ABCC4: variants seen among roughly 807,000 people sequenced by gnomAD.
ABCC4 encodes ATP binding cassette subfamily C member 4 (PEL blood group).
A neutral mutation model predicts 168.5 loss-of-function variants in ABCC4; 102 were observed. That is an observed-to-expected ratio of 0.61 (90% confidence interval 0.52 to 0.71). The LOEUF (loss-of-function observed/expected upper bound fraction) is 0.71, where lower values mean the gene tolerates loss of function less well. Ranked by LOEUF, ABCC4 falls within the 30% of genes least tolerant of loss-of-function variation. ABCC4 has a pLI of 0.00. For synonymous variants in ABCC4, 617 were observed against 590.7 expected (o/e 1.04, Z -0.65); for missense variants, 1,402 against 1,605.8 (o/e 0.87, Z 2.17).
At chr13:95,163,066 G>A in intron 18 of ABCC4, 56 bp downstream of exon 18, 1 of 1,237,218 alleles carries the variant, frequency 8.1e-7, no homozygotes, top group Non-Finnish European at 1.2e-6. Context: ...TACTCACACA[G>A]GCTCATTGTA....
At chr13:95,082,487 C>CAT (rs546041668) in intron 21 of ABCC4, among the ~76,000 whole-genome samples, 186 of 152,054 alleles carry the variant, frequency 1.2e-3, no homozygotes, top group African/African-American at 4.3e-3. Flanking sequence ...TTTCAGTGTC[C>CAT]ATATATATAT....
At chr13:95,280,416 C>CAAAA (rs10708482) in intron 1 of ABCC4, among the ~76,000 whole-genome samples, 3 of 90,480 alleles carry the variant, frequency 3.3e-5, no homozygotes, top group African/African-American at 1.4e-4. Context: ...GACTCCATCT[C>CAAAA]AAAAAAAAAA....
chr13:95,058,315 A>C (rs1260278114), intron 26 of ABCC4, among the ~76,000 whole-genome samples: 2 of 152,072 alleles, frequency 1.3e-5, no homozygotes, highest in African/African-American at 4.8e-5. Flanking sequence ...AGACAGAAAA[A>C]CAAACAGTAC....
At chr13:95,153,000 C>T (rs2036739328) in intron 19 of ABCC4, among the ~76,000 whole-genome samples, 1 of 152,130 alleles carries the variant, frequency 6.6e-6, no homozygotes, top group Non-Finnish European at 1.5e-5. Flanking sequence ...ATGCTTTATA[C>T]ATATTAGGCT....
At chr13:95,064,648 G>A (rs920927050) in intron 25 of ABCC4, among the ~76,000 whole-genome samples, 1 of 151,998 alleles carries the variant, frequency 6.6e-6, no homozygotes, top group Admixed American at 6.6e-5. Flanking sequence ...TGATCCATCT[G>A]TGCAAACCTG....
Position 95,188,554 on chromosome 13 carries a change from A to G in ABCC4, c.1264-12T>C. 1 of 1,596,374 alleles carries G rather than the reference A, an allele frequency of 6.3e-7. No homozygotes were observed. The highest frequency in any genetic ancestry group is 1.1e-5 in the South Asian group (1 of 89,420). ...GGGGTCTCTGATGCCTACAAATTAA[A>G]GTTTATAAAATGTGCCCATTTCAAT... On this transcript the variant is annotated splice_polypyrimidine_tract_variant and intron_variant, in intron 9 of 30. Coordinates refer to ENST00000645237, the MANE Select transcript of ABCC4 (RefSeq NM_005845.5).
chr13:95,025,226 C>A (rs57889764), intron 30 of ABCC4, among the ~76,000 whole-genome samples: 25 of 44,686 alleles, frequency 5.6e-4, no homozygotes, highest in African/African-American at 2.2e-3. Flanking sequence ...CACACCCCCA[C>A]ACACACCCAT....
At chr13:95,141,845 C>A (rs1229646688) in intron 19 of ABCC4, among the ~76,000 whole-genome samples, 2 of 152,170 alleles carry the variant, frequency 1.3e-5, no homozygotes, top group Non-Finnish European at 2.9e-5. Flanking sequence ...AAGGGATCAT[C>A]CTGAACCAGT....
intron 20 of ABCC4, among the ~76,000 whole-genome samples, chr13:95,099,700 T>C (rs1420048749): frequency 1.3e-5 from 2 of 152,052 alleles, no homozygotes; most frequent in African/African-American, 4.8e-5. Flanking sequence ...TGGCTCCTGA[T>C]CCATGTTTGA....
chr13:95,122,011 G>A (rs1048734480), intron 19 of ABCC4, among the ~76,000 whole-genome samples: 4 of 152,218 alleles, frequency 2.6e-5, no homozygotes, highest in African/African-American at 7.2e-5. Context: ...TTCTAATGCG[G>A]TGGGAACTCT....
chr13:95,171,343 C>T (rs769606823), intron 13 of ABCC4, among the ~76,000 whole-genome samples: 3 of 151,750 alleles, frequency 2.0e-5, no homozygotes, highest in African/African-American at 7.3e-5. Context: ...TTGTTTTCTA[C>T]GGTACCCACT....
chr13:95,121,581 AT>A, intron 19 of ABCC4, among the ~76,000 whole-genome samples: 1 of 151,520 alleles, frequency 6.6e-6, no homozygotes, highest in African/African-American at 2.4e-5. Flanking sequence ...TAATTTTTAA[AT>A]TTTTTTGTAG....
At chr13:95,056,165 C>A (rs1199679982) in intron 26 of ABCC4, among the ~76,000 whole-genome samples, 2 of 152,100 alleles carry the variant, frequency 1.3e-5, no homozygotes, top group Non-Finnish European at 2.9e-5. Context: ...CAATACTTTA[C>A]CCTAATCTTG....
intron 8 of ABCC4, among the ~76,000 whole-genome samples, chr13:95,204,333 GATA>G (rs1310219053): frequency 6.6e-6 from 1 of 152,180 alleles, no homozygotes; most frequent in Non-Finnish European, 1.5e-5. Flanking sequence ...CAACATAGGT[GATA>G]CAGTTTGGCT....
intron 20 of ABCC4, among the ~76,000 whole-genome samples, chr13:95,090,703 A>T (rs1245745675): frequency 6.6e-6 from 1 of 152,200 alleles, no homozygotes; most frequent in Non-Finnish European, 1.5e-5. Context: ...CCACTCTGAT[A>T]ATGTGACAAA....
At chr13:95,064,577 T>C (rs1021927905) in intron 25 of ABCC4, among the ~76,000 whole-genome samples, 1 of 151,706 alleles carries the variant, frequency 6.6e-6, no homozygotes, top group Non-Finnish European at 1.5e-5. Flanking sequence ...TATCTAGACA[T>C]AGACAAATGC....
rs147622845 is a variant in ABCC4, at chr13:95,273,892, T to A, written c.75-26139A>T. On this transcript the variant is annotated intron_variant, in intron 1 of 30. Coordinates refer to ENST00000645237, the MANE Select transcript of ABCC4 (RefSeq NM_005845.5). Reference sequence around the variant, plus strand: ...ATGCAGTGGCGCGATCTAGGCTCACTGCAGGCTCCGCCCCCCGGGGTTCAC... The same window carrying A: ...ATGCAGTGGCGCGATCTAGGCTCACAGCAGGCTCCGCCCCCCGGGGTTCAC... 4.0e-3 allele frequency among the ~76,000 whole-genome samples: 579 copies of A among 145,614 alleles called. 7 individuals are homozygous for A. Among genetic ancestry groups the A allele is most frequent in the African/African-American group, 0.014 (558 of 39,440 alleles).
intron 1 of ABCC4, among the ~76,000 whole-genome samples, chr13:95,298,639 C>G (rs570054631): frequency 6.6e-6 from 1 of 152,238 alleles, no homozygotes; most frequent in South Asian, 2.1e-4. Flanking sequence ...TAAGAATTTC[C>G]CTTGAGAAAC....
chr13:95,149,738 C>A (rs566876372), intron 19 of ABCC4, among the ~76,000 whole-genome samples: 1 of 152,218 alleles, frequency 6.6e-6, no homozygotes, highest in African/African-American at 2.4e-5. Context: ...CAACTATATT[C>A]CCTGTTCCAA....
Sources: gnomAD v4.1 joint callset for allele counts (sites outside exome capture counted in the v4.1 genomes callset) on GRCh38, gnomAD v4.1.1 for gene constraint, MANE v1.5 for transcripts, NCBI Gene and HGNC (gene_info 2026-07-23, HGNC 2026-07-21) for gene names.